Variants in TMEM164 observed in about 807,000 individuals in gnomAD.
The protein encoded by TMEM164 is RP13-360B22.2.
In TMEM164, 4 loss-of-function variants were observed where a neutral mutation model predicts 18.8. The ratio of observed to expected loss-of-function variants is 0.21; its 90% CI spans 0.10 to 0.49. The LOEUF (loss-of-function observed/expected upper bound fraction) is 0.49, where lower values mean the gene tolerates loss of function less well. Ranked by LOEUF, TMEM164 falls within the 20% of genes least tolerant of loss-of-function variation. The pLI is 0.98. For synonymous variants in TMEM164, 86 were observed against 101.7 expected, an observed-to-expected ratio of 0.85 and a Z score of 0.93; for missense variants, 108 against 239.9, an observed-to-expected ratio of 0.45 and a Z score of 3.63.
chrX:110,041,654 C>A (rs1935097244), intron 2 of TMEM164, among the ~76,000 whole-genome samples: 1 of 111,978 alleles, frequency 8.9e-6, no homozygotes, highest in Non-Finnish European at 1.9e-5. Flanking sequence ...TAGCCAGTTT[C>A]CCTAATGAAA....
downstream of TMEM164, among the ~76,000 whole-genome samples, chrX:110,178,998 G>T (rs976623067): frequency 9.0e-5 from 10 of 111,725 alleles, no homozygotes; most frequent in African/African-American, 3.3e-4. Flanking sequence ...TATAGAAGTG[G>T]AAAGAGAGCC....
chrX:110,033,381 G>A (rs989771928), intron 2 of TMEM164, among the ~76,000 whole-genome samples: 20 of 111,931 alleles, frequency 1.8e-4, no homozygotes, highest in African/African-American at 6.5e-4. Context: ...CATTCTGTAG[G>A]TGATTAATCT....
At chrX:110,151,412 A>G (rs949393579) in intron 5 of TMEM164, among the ~76,000 whole-genome samples, 2 of 111,882 alleles carry the variant, frequency 1.8e-5, no homozygotes, top group Non-Finnish European at 3.8e-5. Flanking sequence ...GATGGGTTAA[A>G]AAAAAAAGGT....
At chrX:110,025,624 G>T (rs1217971661) in intron 2 of TMEM164, among the ~76,000 whole-genome samples, 26 of 112,264 alleles carry the variant, frequency 2.3e-4, no homozygotes, top group Non-Finnish European at 4.1e-4. Flanking sequence ...GTTTGTTTTT[G>T]TTTTTAATGT....
At chrX:110,087,957 G>C (rs1381321375) in intron 3 of TMEM164, among the ~76,000 whole-genome samples, 6 of 111,868 alleles carry the variant, frequency 5.4e-5, no homozygotes, top group Non-Finnish European at 1.1e-4. Flanking sequence ...CAAGGTAGAC[G>C]AGGGAAGCAT....
intron 3 of TMEM164, among the ~76,000 whole-genome samples, chrX:110,085,745 A>T (rs2147904103): frequency 9.0e-6 from 1 of 111,723 alleles, no homozygotes; most frequent in South Asian, 3.7e-4. Context: ...AAACTATGTG[A>T]AACAGTACAG....
intron 1 of TMEM164, 72 bp from the exon 2 acceptor site, chrX:110,003,429 C>T: frequency 5.5e-6 from 1 of 182,401 alleles, no homozygotes; most frequent in African/African-American, 3.0e-5. Flanking sequence ...GTTACCCCTC[C>T]CGCTTCCTAA....
intron 5 of TMEM164, among the ~76,000 whole-genome samples, chrX:110,154,698 G>T (rs749566065): frequency 9.8e-5 from 11 of 112,180 alleles, no homozygotes; most frequent in Non-Finnish European, 2.1e-4. Context: ...GGGATTATAG[G>T]CATGAGCCAC....
rs746855292 is a variant in TMEM164, at chrX:110,128,738, C to T, written c.508-16060C>T. On this transcript the variant is annotated intron_variant, in intron 4 of 6. Transcript: ENST00000372068. ...TTTTCTAATTTGTCTTACTGTATTG[C>T]ACTTTGGCTAATTTCTTCAGCTGTA... Among the ~76,000 whole-genome samples, 3 of 111,844 alleles carry T rather than the reference C, an allele frequency of 2.7e-5. No homozygotes were observed. In the South Asian group the frequency reaches 1.1e-3, roughly 41 times the overall value.
At chrX:110,081,028 G>C (rs867055248) in intron 3 of TMEM164, among the ~76,000 whole-genome samples, 1 of 108,523 alleles carries the variant, frequency 9.2e-6, no homozygotes, top group Non-Finnish European at 1.9e-5. Flanking sequence ...GAGCCAACAC[G>C]GTGGCTGATA....
At chrX:110,145,530 C>G (rs2066841330) in intron 5 of TMEM164, among the ~76,000 whole-genome samples, 1 of 111,850 alleles carries the variant, frequency 8.9e-6, no homozygotes, top group African/African-American at 3.3e-5. Flanking sequence ...GCCTATCCAT[C>G]TAGGCTTGTT....
chrX:110,053,099 A>AT (rs1262771211), intron 2 of TMEM164, among the ~76,000 whole-genome samples: 1 of 111,225 alleles, frequency 9.0e-6, no homozygotes, highest in African/African-American at 3.3e-5. Flanking sequence ...CCCTTTCCCA[A>AT]TTTTTTAATA....
In TMEM164 at chrX:110,105,750, T is replaced by TGAGAGAGAGA. The variant is rs59866982; in HGVS notation, c.441-3295_441-3286dup. On this transcript the variant is annotated intron_variant, in intron 3 of 6. Transcript: ENST00000372068. ...CACACACAGAGAGAGAGAGAGAGAA[T>TGAGAGAGAGA]GAGAGAGAGAGAGAGAGAGAGAGAG... is the stretch of plus-strand genomic sequence containing the variant. 3.9e-4 allele frequency among the ~76,000 whole-genome samples: 28 copies of TGAGAGAGAGA among 72,169 alleles called. No homozygotes were observed. The East Asian group carries it at 6.3e-3, about 16-fold the overall frequency. 62.7% of individuals were successfully genotyped at this position (72,169 alleles called of 115,157 possible).
At chrX:110,043,859 T>C (rs1935198740) in intron 2 of TMEM164, among the ~76,000 whole-genome samples, 1 of 112,151 alleles carries the variant, frequency 8.9e-6, no homozygotes, top group African/African-American at 3.2e-5. Flanking sequence ...ATAATCTGAG[T>C]CTCTTTTCAC....
chrX:110,133,817 A>T, intron 4 of TMEM164, among the ~76,000 whole-genome samples: 1 of 111,956 alleles, frequency 8.9e-6, no homozygotes, highest in African/African-American at 3.3e-5. Flanking sequence ...ATGACTTTGG[A>T]TACTTGGATA....
intron 2 of TMEM164, 111 bp from the exon 3 acceptor site, chrX:110,067,236 A>T: frequency 1.3e-6 from 1 of 781,231 alleles, no homozygotes; most frequent in Non-Finnish European, 1.9e-6. Flanking sequence ...TTTTTATATT[A>T]CATTATTGTG....
chrX:110,141,094 T>C, intron 4 of TMEM164, among the ~76,000 whole-genome samples: 1 of 111,610 alleles, frequency 9.0e-6, no homozygotes, highest in Middle Eastern at 4.6e-3. Context: ...CATGCCATGA[T>C]TGTGCATGAG....
intron 2 of TMEM164, among the ~76,000 whole-genome samples, chrX:110,020,987 A>G (rs1342574736): frequency 9.3e-6 from 1 of 107,923 alleles, no homozygotes; most frequent in Non-Finnish European, 1.9e-5. Context: ...AAAAAAAAAA[A>G]AAAAAAAAGC....
chrX:110,028,011 T>C (rs1382215182), intron 2 of TMEM164, among the ~76,000 whole-genome samples: 1 of 111,982 alleles, frequency 8.9e-6, no homozygotes. Flanking sequence ...GGCTTTGATA[T>C]TGTCTTTGTG....
Sources: allele counts gnomAD v4.1 joint callset (sites outside exome capture counted in the v4.1 genomes callset), GRCh38; gene constraint gnomAD v4.1.1; transcripts MANE v1.5; gene names NCBI Gene and HGNC (gene_info 2026-07-23, HGNC 2026-07-21).